The following PIK3R3 variants were observed in gnomAD, a reference collection of about 807,000 sequenced individuals.
The protein encoded by PIK3R3 is phosphoinositide-3-kinase regulatory subunit 3, also known as phosphatidylinositol 3-kinase regulatory subunit gamma.
In PIK3R3, 64 loss-of-function variants were observed where a neutral mutation model predicts 62.9. The ratio of observed to expected loss-of-function variants is 1.02; its 90% CI spans 0.83 to 1.25. The LOEUF is 1.25. PIK3R3 is among the 50% of genes most tolerant of loss of function. The pLI, the probability that PIK3R3 is intolerant of heterozygous loss-of-function variation, is 0.00. For missense variants in PIK3R3, 614 were observed against 561.6 expected (o/e 1.09, Z -0.94); for synonymous variants, 165 against 189.0 (o/e 0.87, Z 1.04).
At chr1:46,160,365 C>T in the PIK3R3 span, among the ~76,000 whole-genome samples, 3 of 152,202 alleles carry the variant, frequency 2.0e-5, no homozygotes, top group African/African-American at 7.2e-5. Flanking sequence ...TCAGAACCTA[C>T]GATTCTGTAA....
intron 1 of PIK3R3, among the ~76,000 whole-genome samples, chr1:46,086,495 T>C (rs1571451291): frequency 1.3e-5 from 2 of 151,752 alleles, no homozygotes; most frequent in South Asian, 4.2e-4. Flanking sequence ...AGGTAAGGAG[T>C]TTGAGACCAG....
chr1:46,043,532 T>C lies in PIK3R3; in HGVS notation c.*141A>G, dbSNP rs1647032750. 1.4e-6 allele frequency: 1 copy of C among 727,108 alleles called. No homozygotes were observed. The highest frequency in any genetic ancestry group is 2.3e-6 in the Non-Finnish European group (1 of 438,084). The allele number at this position is 727,108 out of a possible 1,614,324, so 45.0% of individuals were successfully genotyped here. ...TAATGCCCCCATCCCGGCCGGCTGCTGCTCGGCCTCTCCACTTCACATTCA... is the reference window on the plus strand; with the variant it reads ...TAATGCCCCCATCCCGGCCGGCTGCCGCTCGGCCTCTCCACTTCACATTCA... On this transcript the variant is annotated 3_prime_UTR_variant, in exon 10 of 10. Transcript: ENST00000262741.
At chr1:46,109,504 G>A (rs1653536079) in intron 1 of PIK3R3, among the ~76,000 whole-genome samples, 1 of 151,586 alleles carries the variant, frequency 6.6e-6, no homozygotes. Context: ...TTTTTTTTGA[G>A]ATGGAGTCTC....
the PIK3R3 span, among the ~76,000 whole-genome samples, chr1:46,147,668 G>T: frequency 1.3e-5 from 2 of 150,130 alleles, no homozygotes; most frequent in African/African-American, 4.9e-5. Context: ...CTCGTGATCC[G>T]CCCACCTTGG....
the PIK3R3 span, among the ~76,000 whole-genome samples, chr1:46,157,772 C>T: frequency 1.3e-5 from 2 of 152,298 alleles, no homozygotes; most frequent in South Asian, 4.1e-4. Flanking sequence ...GGTGCTGAAG[C>T]TTTGTGTAGT....
chr1:46,143,326 AT>A, the PIK3R3 span, among the ~76,000 whole-genome samples: 1 of 152,028 alleles, frequency 6.6e-6, no homozygotes, highest in Non-Finnish European at 1.5e-5. Context: ...TTTTGTGTTT[AT>A]TTTTTTAATT....
intron 1 of PIK3R3, among the ~76,000 whole-genome samples, chr1:46,119,773 ATTTT>A (rs749113212): frequency 3.2e-5 from 4 of 124,310 alleles, no homozygotes; most frequent in Non-Finnish European, 3.4e-5. Context: ...CCAACTCCTA[ATTTT>A]TTTTTTTTTT....
chr1:46,076,453 T>C (rs188240174), intron 3 of PIK3R3, among the ~76,000 whole-genome samples: 201 of 152,268 alleles, frequency 1.3e-3, no homozygotes, highest in African/African-American at 4.6e-3. Context: ...TGTTTAGCAG[T>C]CTCCGTGGAG....
intron 6 of PIK3R3, 37 bp downstream of exon 6, chr1:46,061,892 T>C: frequency 6.3e-7 from 1 of 1,584,632 alleles, no homozygotes; most frequent in Non-Finnish European, 8.6e-7. Flanking sequence ...AGAAATCCTG[T>C]CTCACTGATG....
rs529252433 is a variant in PIK3R3, at chr1:46,041,603, C to G, written c.*2070G>C. On this transcript the variant is annotated 3_prime_UTR_variant, in exon 10 of 10. Transcript: ENST00000262741. ...TACCAGATGGGAGGGATTCCTTGCA[C>G]GTAATCTTGAGCATCCACCTGCTTC... is the stretch of plus-strand genomic sequence containing the variant. The G allele has an allele frequency of 5.5e-6, 1 of 181,494 alleles. No individual in the cohort carries two copies. Among genetic ancestry groups the G allele is most frequent in the African/African-American group, 2.4e-5 (1 of 42,534 alleles). The allele number at this position is 181,494 out of a possible 1,614,324, so 11.2% of individuals were successfully genotyped here.
intron 1 of PIK3R3, among the ~76,000 whole-genome samples, chr1:46,129,061 ACT>A (rs1319721591): frequency 6.6e-6 from 1 of 150,770 alleles, no homozygotes; most frequent in Non-Finnish European, 1.5e-5. Flanking sequence ...ACAGAGTGAG[ACT>A]CTGCCTCAGG....
the PIK3R3 span, among the ~76,000 whole-genome samples, chr1:46,169,926 C>A: frequency 6.6e-6 from 1 of 152,114 alleles, no homozygotes; most frequent in African/African-American, 2.4e-5. Context: ...TCAAGATTGG[C>A]TCCTTCTATA....
chr1:46,055,418 A>G (rs1647792827), intron 7 of PIK3R3, among the ~76,000 whole-genome samples: 2 of 152,096 alleles, frequency 1.3e-5, no homozygotes, highest in Admixed American at 6.6e-5. Context: ...CCTAGAACCT[A>G]CTTCCCCTCA....
Position 46,046,643 on chromosome 1 carries a change from C to A in PIK3R3, c.942-18G>T. 6.3e-7 allele frequency: 1 copy of A among 1,575,936 alleles called. No individual in the cohort carries two copies. On this transcript the variant is annotated intron_variant, in intron 7 of 9. Coordinates refer to ENST00000262741, the MANE Select transcript of PIK3R3 (RefSeq NM_003629.4). ...TGAGCCATCTGCCAGAGGAAAGACA[C>A]CAGTGTCAGTATCCATGCAAACTCT...
At chr1:46,102,179 G>A (rs1010519919) in intron 1 of PIK3R3, among the ~76,000 whole-genome samples, 1 of 151,544 alleles carries the variant, frequency 6.6e-6, no homozygotes, top group Admixed American at 6.6e-5. Flanking sequence ...TAGAGACGGG[G>A]TTTCACCGTG....
chr1:46,063,532 C>T (rs76068171), intron 5 of PIK3R3, among the ~76,000 whole-genome samples: 70 of 152,298 alleles, frequency 4.6e-4, no homozygotes, highest in African/African-American at 1.6e-3. Context: ...TCAAAGAAAA[C>T]ACTAATAATT....
chr1:46,115,600 G>C (rs752412962), intron 1 of PIK3R3, among the ~76,000 whole-genome samples: 15 of 152,192 alleles, frequency 9.9e-5, no homozygotes, highest in Non-Finnish European at 2.1e-4. Context: ...ACCAGTCCCA[G>C]TTAGAGAGAT....
intron 7 of PIK3R3, among the ~76,000 whole-genome samples, chr1:46,051,877 AAAAC>A (rs1240917414): frequency 6.6e-6 from 1 of 152,232 alleles, no homozygotes; most frequent in East Asian, 1.9e-4. Context: ...GGGATTAACA[AAAAC>A]AAATAATACA....
chr1:46,099,848 T>A (rs1166534426), intron 1 of PIK3R3, among the ~76,000 whole-genome samples: 1 of 152,098 alleles, frequency 6.6e-6, no homozygotes, highest in Non-Finnish European at 1.5e-5. Flanking sequence ...TATAAGAGAG[T>A]TTTCCTTATT....
Sources: gnomAD v4.1 joint callset for allele counts (sites outside exome capture counted in the v4.1 genomes callset) on GRCh38, gnomAD v4.1.1 for gene constraint, MANE v1.5 for transcripts, NCBI Gene and HGNC (gene_info 2026-07-23, HGNC 2026-07-21) for gene names.